Variants in LSAMP observed in about 807,000 individuals in gnomAD.
LSAMP encodes the protein limbic system associated membrane protein.
Under a neutral mutation model 38.6 loss-of-function variants are expected in LSAMP, and 7 were observed. The observed-to-expected ratio is 0.18, with a 90% CI of 0.10 to 0.34. LSAMP has a LOEUF of 0.34. LSAMP is among the 10% of genes least tolerant of loss of function. The pLI, the probability that LSAMP is intolerant of heterozygous loss-of-function variation, is 1.00. For missense variants in LSAMP, 313 were observed against 420.0 expected (o/e 0.75, Z 2.23); for synonymous variants, 154 against 166.8 (o/e 0.92, Z 0.59).
intron 3 of LSAMP, among the ~76,000 whole-genome samples, chr3:115,911,875 T>C (rs1937143316): frequency 6.6e-6 from 1 of 152,252 alleles, no homozygotes; most frequent in South Asian, 2.1e-4. Context: ...TTTAGCCATT[T>C]TGATAAGTGT....
chr3:116,112,804 G>T (rs1351526026), intron 1 of LSAMP, among the ~76,000 whole-genome samples: 1 of 152,142 alleles, frequency 6.6e-6, no homozygotes, highest in African/African-American at 2.4e-5. Flanking sequence ...AAATGCGTTG[G>T]CTACCCTACC....
At chr3:116,266,896 A>T (rs1311288175) in intron 1 of LSAMP, among the ~76,000 whole-genome samples, 1 of 152,198 alleles carries the variant, frequency 6.6e-6, no homozygotes, top group Admixed American at 6.6e-5. Context: ...AATAGTAAAC[A>T]CTAACAATAT....
At chr3:116,377,928 T>C (rs1189559846) in intron 1 of LSAMP, among the ~76,000 whole-genome samples, 1 of 151,954 alleles carries the variant, frequency 6.6e-6, no homozygotes, top group Non-Finnish European at 1.5e-5. Flanking sequence ...AGGATCTCAG[T>C]TTAGCATACT....
intron 1 of LSAMP, among the ~76,000 whole-genome samples, chr3:116,358,113 C>T (rs199866909): frequency 2.7e-4 from 41 of 152,134 alleles, no homozygotes; most frequent in African/African-American, 9.2e-4. Flanking sequence ...TTAGTCTAAC[C>T]GCCTTAATCT....
intron 1 of LSAMP, among the ~76,000 whole-genome samples, chr3:116,091,932 C>G (rs1399342365): frequency 2.0e-5 from 3 of 152,190 alleles, no homozygotes; most frequent in Non-Finnish European, 4.4e-5. Context: ...AAAATCTTCT[C>G]TCGTCAGTGT....
chr3:115,865,138 T>A (rs1354148491), intron 3 of LSAMP, among the ~76,000 whole-genome samples: 1 of 152,188 alleles, frequency 6.6e-6, no homozygotes, highest in African/African-American at 2.4e-5. Flanking sequence ...GCAAGGCATA[T>A]CTATTTGGTA....
intron 3 of LSAMP, among the ~76,000 whole-genome samples, chr3:115,870,243 T>G (rs566771928): frequency 1.3e-4 from 20 of 152,250 alleles, no homozygotes; most frequent in Non-Finnish European, 2.6e-4. Flanking sequence ...TGGAAAAGTT[T>G]GTTAACCCAT....
At chr3:115,810,552 C>A in intron 6 of LSAMP, 138 bp from the exon 7 acceptor site, 2 of 682,392 alleles carry the variant, frequency 2.9e-6, no homozygotes, top group South Asian at 3.5e-5. Context: ...TATGTGCAGC[C>A]CAAGAAGCGC....
At chr3:116,306,568 A>G (rs2047487723) in intron 1 of LSAMP, among the ~76,000 whole-genome samples, 1 of 152,020 alleles carries the variant, frequency 6.6e-6, no homozygotes, top group Non-Finnish European at 1.5e-5. Context: ...AAGGGTTCAG[A>G]AAATGTTAGT....
intron 1 of LSAMP, among the ~76,000 whole-genome samples, chr3:116,324,753 T>C (rs1433670873): frequency 1.3e-5 from 2 of 152,184 alleles, no homozygotes; most frequent in Admixed American, 1.3e-4. Context: ...GCTTGTCTTT[T>C]CTAAGCTGGG....
At chr3:116,224,602 T>G (rs986476529) in intron 1 of LSAMP, among the ~76,000 whole-genome samples, 6 of 152,248 alleles carry the variant, frequency 3.9e-5, no homozygotes, top group Non-Finnish European at 5.9e-5. Flanking sequence ...AGTTCATAAT[T>G]TATCGTTTTG....
Position 115,841,945 on chromosome 3 carries a change from A to G in LSAMP, c.819T>C (p.Ser273=). 1 of 1,613,808 alleles carries G rather than the reference A, an allele frequency of 6.2e-7. No individual in the cohort carries two copies. Among genetic ancestry groups the G allele is most frequent in the Non-Finnish European group, 8.5e-7 (1 of 1,179,998 alleles). Residue 273 remains serine (S), a synonymous_variant, in exon 6 of 7, where the codon TCT becomes TCC. Coordinates refer to ENST00000490035, the MANE Select transcript of LSAMP (RefSeq NM_002338.5). ...GLEIKSTEGQ[S]SLTVTNVTEE... is the part of the protein sequence containing the mutation. ...CAGTGACGTTGGTCACCGTCAGGGAAGACTGGCCCTCCGTGCTCTTAATCT... is the reference window on the plus strand; with the variant it reads ...CAGTGACGTTGGTCACCGTCAGGGAGGACTGGCCCTCCGTGCTCTTAATCT...
intron 1 of LSAMP, among the ~76,000 whole-genome samples, chr3:116,395,301 T>C (rs1013066936): frequency 6.6e-6 from 1 of 152,146 alleles, no homozygotes; most frequent in South Asian, 2.1e-4. Context: ...CCACAAGAAA[T>C]AGAGTAGTTC....
At chr3:116,009,288 A>C (rs912965706) in intron 3 of LSAMP, among the ~76,000 whole-genome samples, 3 of 152,092 alleles carry the variant, frequency 2.0e-5, no homozygotes, top group African/African-American at 7.2e-5. Flanking sequence ...ACATTACCTG[A>C]GTGCTTGTCA....
At chr3:116,169,325 A>G (rs151181778) in intron 1 of LSAMP, among the ~76,000 whole-genome samples, 13 of 152,214 alleles carry the variant, frequency 8.5e-5, no homozygotes, top group African/African-American at 2.9e-4. Context: ...AAATGGCTGT[A>G]GTGAATCTAG....
intron 1 of LSAMP, among the ~76,000 whole-genome samples, chr3:116,149,607 T>G (rs1709565199): frequency 1.4e-5 from 1 of 71,928 alleles, no homozygotes; most frequent in Non-Finnish European, 2.9e-5. Context: ...TACTTAGTTG[T>G]TGCCTATTTT....
chr3:116,339,725 C>A (rs1417856413), intron 1 of LSAMP, among the ~76,000 whole-genome samples: 1 of 152,002 alleles, frequency 6.6e-6, no homozygotes, highest in Non-Finnish European at 1.5e-5. Context: ...GATGAGAAGT[C>A]TGAGTTTTGT....
intron 1 of LSAMP, among the ~76,000 whole-genome samples, chr3:116,162,879 A>T (rs925124265): frequency 1.3e-5 from 2 of 151,734 alleles, no homozygotes; most frequent in African/African-American, 4.8e-5. Flanking sequence ...AAGAAATTGT[A>T]GGCTTTGTTC....
At chr3:116,096,662 A>C (rs1308881501) in intron 1 of LSAMP, among the ~76,000 whole-genome samples, 1 of 152,250 alleles carries the variant, frequency 6.6e-6, no homozygotes, top group African/African-American at 2.4e-5. Context: ...ACTTAGTTTC[A>C]TAAAGGGCAG....
Sources: gnomAD v4.1 joint callset for allele counts (sites outside exome capture counted in the v4.1 genomes callset) on GRCh38, gnomAD v4.1.1 for gene constraint, MANE v1.5 for transcripts, NCBI Gene and HGNC (gene_info 2026-07-23, HGNC 2026-07-21) for gene names.